Variants in BICD1 observed in about 807,000 individuals in gnomAD.
BICD1 encodes the protein BICD cargo adaptor 1, also known as protein bicaudal D homolog 1.
In BICD1, 35 loss-of-function variants were observed where a neutral mutation model predicts 92.5. The ratio of observed to expected loss-of-function variants is 0.38; its 90% CI spans 0.29 to 0.50. The LOEUF is 0.50. Among genes scored for constraint, BICD1 ranks in the 20% least tolerant of loss-of-function variants. The pLI is 0.93. For missense variants in BICD1, 950 were observed against 1,189.8 expected, an observed-to-expected ratio of 0.80 and a Z score of 2.97; for synonymous variants, 429 against 465.1, an observed-to-expected ratio of 0.92 and a Z score of 1.00.
intron 2 of BICD1, among the ~76,000 whole-genome samples, chr12:32,240,298 C>T (rs1377179660): frequency 1.3e-5 from 2 of 152,170 alleles, no homozygotes; most frequent in African/African-American, 4.8e-5. Flanking sequence ...CCTTGTAGTT[C>T]TAGAGGCCGG....
chr12:32,231,036 A>G (rs1417348392), intron 2 of BICD1, among the ~76,000 whole-genome samples: 2 of 152,230 alleles, frequency 1.3e-5, no homozygotes, highest in Non-Finnish European at 2.9e-5. Flanking sequence ...TTTGTCAATG[A>G]GAAATAATGT....
rs191168359 is a variant in BICD1 at position 32,183,414 on chromosome 12, G to A, written c.214-32833G>A. On this transcript the variant is annotated intron_variant, in intron 1 of 9. Transcript: ENST00000652176. ...CTAGTAGCTGAGATTACAGGCACGC[G>A]CGCCATCACGCCCAGCTAATTTTTG... Among the ~76,000 whole-genome samples the A allele has an allele frequency of 1.8e-3, 267 of 151,812 alleles. 1 individual carries two copies. Among genetic ancestry groups the A allele is most frequent in the African/African-American group, 6.0e-3 (248 of 41,408 alleles).
intron 4 of BICD1, among the ~76,000 whole-genome samples, chr12:32,316,460 T>TTTTTTTA (rs926638738): frequency 1.7e-4 from 26 of 151,546 alleles, no homozygotes; most frequent in African/African-American, 6.3e-4. Flanking sequence ...CCAGCTAATT[T>TTTTTTTA]TTTTTTATTT....
At chr12:32,305,388 T>C (rs907718152) in intron 3 of BICD1, among the ~76,000 whole-genome samples, 21 of 151,932 alleles carry the variant, frequency 1.4e-4, no homozygotes, top group Admixed American at 1.3e-3. Context: ...CCTAAGACAA[T>C]AGACTCTTCA....
Position 32,306,088 on chromosome 12 carries a change from C to T in BICD1, c.971C>T (p.Ser324Leu). Reference protein sequence around the residue: ...VSDLFSELNISEIQKLKQQLM... With the variant: ...VSDLFSELNILEIQKLKQQLM... ...GACTTATTCAGTGAGCTGAACATTT[C>T]AGAAATACAGAAGTTGAAGCAGCAG... Residue 324 changes from serine to leucine, a missense_variant, in exon 4 of 10, where the codon TCA becomes TTA. Around this residue, in one of 5 missense-constraint regions of BICD1, gnomAD observed 246 missense variants for 258.4 expected, o/e 0.95. Coordinates refer to ENST00000652176, the MANE Select transcript of BICD1 (RefSeq NM_001714.4). 2 of 1,606,472 alleles carry T rather than the reference C, an allele frequency of 1.2e-6. No homozygotes were observed. Among genetic ancestry groups the T allele is most frequent in the Non-Finnish European group, 1.7e-6 (2 of 1,177,654 alleles).
At chr12:32,365,784 G>T (rs1367108183) in intron 8 of BICD1, among the ~76,000 whole-genome samples, 1 of 152,156 alleles carries the variant, frequency 6.6e-6, no homozygotes. Flanking sequence ...AAGGAGCAAA[G>T]ATTTTTAAAA....
At chr12:32,246,327 AG>A (rs67350041) in intron 2 of BICD1, among the ~76,000 whole-genome samples, 10 of 137,868 alleles carry the variant, frequency 7.3e-5, no homozygotes, top group African/African-American at 2.3e-4. Context: ...AAAAAAAAAA[AG>A]GTTGATTAAA....
rs186969025 is a variant in BICD1, at chr12:32,354,116, A to G, written c.2765-13554A>G. The G allele has an allele frequency of 3.3e-5, 5 of 152,318 alleles. No homozygotes were observed. The East Asian group carries it at 9.6e-4, about 29-fold the overall frequency. 9.4% of individuals were successfully genotyped at this position (152,318 alleles called of 1,614,324 possible). A position where few individuals can be genotyped will look rare whatever the true frequency, so the allele number is the denominator to read the frequency against. On this transcript the variant is annotated intron_variant, in intron 8 of 9. Transcript: ENST00000652176. ...CGTTTTTATATTTCTCTTTTGCAAG[A>G]TTTGAAATAAAAATAGATTTTTGCA... is the stretch of plus-strand genomic sequence containing the variant.
chr12:32,169,684 T>C (rs1943878409), intron 1 of BICD1, among the ~76,000 whole-genome samples: 1 of 152,216 alleles, frequency 6.6e-6, no homozygotes, highest in South Asian at 2.1e-4. Context: ...AATGATATAT[T>C]ATCCTTTGAT....
intron 1 of BICD1, among the ~76,000 whole-genome samples, chr12:32,174,817 A>C (rs1375922764): frequency 1.3e-5 from 2 of 152,180 alleles, no homozygotes; most frequent in Non-Finnish European, 2.9e-5. Context: ...TAAATCGCTT[A>C]AATCATTCAG....
At chr12:32,136,298 C>T (rs956384875) in intron 1 of BICD1, among the ~76,000 whole-genome samples, 6 of 152,174 alleles carry the variant, frequency 3.9e-5, no homozygotes, top group Non-Finnish European at 8.8e-5. Flanking sequence ...CAGGTCTGAA[C>T]GTCACACTGT....
intron 1 of BICD1, among the ~76,000 whole-genome samples, chr12:32,161,549 T>G (rs1943601075): frequency 6.6e-6 from 1 of 152,226 alleles, no homozygotes. Flanking sequence ...TACCATAGTT[T>G]GAAGGTTAAG....
intron 3 of BICD1, among the ~76,000 whole-genome samples, chr12:32,304,344 C>T (rs1948152258): frequency 1.3e-5 from 2 of 152,126 alleles, no homozygotes; most frequent in African/African-American, 4.8e-5. Context: ...TGAAACTAAG[C>T]ACATAGTTTG....
In BICD1 at chr12:32,131,389, G is replaced by C. The variant is rs74425935; in HGVS notation, c.213+23845G>C. 7.2e-3 allele frequency among the ~76,000 whole-genome samples: 1,094 copies of C among 152,216 alleles called. 10 individuals are homozygous for C. The highest frequency in any genetic ancestry group is 0.025 in the African/African-American group (1,040 of 41,540). ...TATTTCGGTGGCTCCAGTAAAGGGA[G>C]CTGCTCTCTCATCGGATGATTATTG... On this transcript the variant is annotated intron_variant, in intron 1 of 9. Transcript: ENST00000652176.
intron 4 of BICD1, among the ~76,000 whole-genome samples, chr12:32,323,555 C>T (rs1255365359): frequency 6.6e-6 from 1 of 152,172 alleles, no homozygotes; most frequent in African/African-American, 2.4e-5. Flanking sequence ...CAGTTCTTTA[C>T]CTGCAGTACT....
At chr12:32,179,588 G>T (rs1944212559) in intron 1 of BICD1, among the ~76,000 whole-genome samples, 1 of 151,924 alleles carries the variant, frequency 6.6e-6, no homozygotes, top group South Asian at 2.1e-4. Flanking sequence ...GATTCCCAGT[G>T]TGCTAACTTT....
At chr12:32,172,627 A>T (rs1943978066) in intron 1 of BICD1, among the ~76,000 whole-genome samples, 1 of 152,198 alleles carries the variant, frequency 6.6e-6, no homozygotes, top group Admixed American at 6.5e-5. Context: ...CACTCCTGAC[A>T]TGCACTTATA....
intron 9 of BICD1, among the ~76,000 whole-genome samples, chr12:32,369,316 G>A (rs896519509): frequency 6.6e-6 from 1 of 152,214 alleles, no homozygotes; most frequent in Non-Finnish European, 1.5e-5. Flanking sequence ...TCAGTAGTCC[G>A]GTTGTGGTTT....
intron 1 of BICD1, among the ~76,000 whole-genome samples, chr12:32,120,886 AGAGAGAG>A (rs777559133): frequency 6.0e-4 from 70 of 117,342 alleles, no homozygotes; most frequent in East Asian, 1.3e-3. Context: ...AGAGAGAGAG[AGAGAGAG>A]AGAAAAAAAA....
Sources: gnomAD v4.1 joint callset for allele counts (sites outside exome capture counted in the v4.1 genomes callset) on GRCh38, gnomAD v4.1.1 for gene constraint, gnomAD v4.1.1 regional missense constraint, MANE v1.5 for transcripts, NCBI Gene and HGNC (gene_info 2026-07-23, HGNC 2026-07-21) for gene names.